The following VWDE variants were observed in gnomAD, a reference collection of about 807,000 sequenced individuals.
VWDE encodes von Willebrand factor D and EGF domain-containing protein.
A neutral mutation model predicts 178.4 loss-of-function variants in VWDE; 207 were observed. That is an observed-to-expected ratio of 1.16 (90% confidence interval 1.04 to 1.30). The LOEUF (loss-of-function observed/expected upper bound fraction) is 1.30. VWDE is among the 50% of genes most tolerant of loss of function. The pLI, the probability that VWDE is intolerant of heterozygous loss-of-function variation, is 0.00. For synonymous variants in VWDE, 738 were observed against 651.4 expected (o/e 1.13, Z -2.02); for missense variants, 2,287 against 1,901.3 (o/e 1.20, Z -3.77).
intron 10 of VWDE, 80 bp from the exon 11 acceptor site, chr7:12,370,944 A>G: frequency 1.8e-6 from 2 of 1,104,634 alleles, no homozygotes; most frequent in South Asian, 4.5e-5. Context: ...TATTATTTAA[A>G]AAATAAGAAA....
At chr7:12,368,218 G>A (rs73300503) in intron 12 of VWDE, among the ~76,000 whole-genome samples, 2,701 of 148,484 alleles carry the variant, frequency 0.018, 73 homozygotes, top group African/African-American at 0.063. Flanking sequence ...CATGTAATTT[G>A]CATTCTAGAT....
rs759233507 is a variant in VWDE, at chr7:12,340,475, G to A, written c.4271-58C>T. ...AAGTTTTATTATTTAAAAAATGAAAGCTGCACAGAAGTGCAAAATGGTGCA... is the reference window on the plus strand; with the variant it reads ...AAGTTTTATTATTTAAAAAATGAAAACTGCACAGAAGTGCAAAATGGTGCA... On this transcript the variant is annotated intron_variant, in intron 23 of 28. Coordinates refer to ENST00000275358, the MANE Select transcript of VWDE (RefSeq NM_001135924.3). 140 of 1,337,202 alleles carry A rather than the reference G, an allele frequency of 1.0e-4. No homozygotes were observed. In the Middle Eastern group the frequency reaches 1.0e-2, roughly 95 times the overall value. 82.8% of individuals were successfully genotyped at this position (1,337,202 alleles called of 1,614,324 possible).
intron 18 of VWDE, among the ~76,000 whole-genome samples, chr7:12,352,260 G>A (rs140948611): frequency 7.2e-5 from 11 of 152,214 alleles, no homozygotes; most frequent in African/African-American, 1.9e-4. Context: ...TTGCCCATTT[G>A]GGTTCTCCCA....
chr7:12,372,964 G>C lies in VWDE; in HGVS notation c.1587+13C>G. ...AAGGAAAAATACTTTCAATGTTAAA[G>C]AATCATACATACTGTGACTTTTCTT... On this transcript the variant is annotated intron_variant, in intron 10 of 28. Coordinates refer to ENST00000275358, the MANE Select transcript of VWDE (RefSeq NM_001135924.3). The C allele has an allele frequency of 6.5e-7, 1 of 1,546,204 alleles. No homozygotes were observed. Among genetic ancestry groups the C allele is most frequent in the African/African-American group, 1.4e-5 (1 of 72,812 alleles).
Position 12,359,634 on chromosome 7 carries a change from C to T in VWDE, c.3218G>A (p.Ser1073Asn), listed in dbSNP as rs1354145070. Residue 1073 changes from serine to asparagine, a missense_variant, in exon 16 of 29, where the codon AGC becomes AAC. By Grantham distance (46) the Ser-to-Asn change is conservative (BLOSUM62 1). Transcript: ENST00000275358. ...TTTGGGTCTACAAATCAAACAAGGGCTGGTTGGATTTTTGTCTCCTTCAAC... is the reference window on the plus strand; with the variant it reads ...TTTGGGTCTACAAATCAAACAAGGGTTGGTTGGATTTTTGTCTCCTTCAAC... ...CYVEGDKNPT[S>N]PCLICRPKIS... 6.5e-7 allele frequency: 1 copy of T among 1,550,134 alleles called. No individual in the cohort carries two copies. Among genetic ancestry groups the T allele is most frequent in the African/African-American group, 1.4e-5 (1 of 72,892 alleles).
chr7:12,359,079 G>T (rs1180629653), intron 16 of VWDE, among the ~76,000 whole-genome samples: 1 of 152,158 alleles, frequency 6.6e-6, no homozygotes, highest in Non-Finnish European at 1.5e-5. Context: ...CACCTATATG[G>T]AACCAACATA....
chr7:12,357,982 C>T (rs561586525), intron 16 of VWDE, among the ~76,000 whole-genome samples: 3 of 152,276 alleles, frequency 2.0e-5, no homozygotes, highest in South Asian at 4.1e-4. Flanking sequence ...ACGTTTCTCG[C>T]TGTACTTGCC....
At position 12,393,711 on chromosome 7, in the gene VWDE, T is replaced by C. The variant is rs749639778; in HGVS notation, c.126A>G (p.Ser42=). The C allele has an allele frequency of 2.6e-6, 4 of 1,551,234 alleles. No homozygotes were observed. Among genetic ancestry groups the C allele is most frequent in the Admixed American group, 2.0e-5 (1 of 50,982 alleles). Residue 42 remains serine, a synonymous_variant, in exon 2 of 29, where the codon TCA becomes TCG. Transcript: ENST00000275358. Reference sequence around the variant, plus strand: ...GAACAGCTGACTGCTGGAGGTGCCATGAGTCAAAACGGACACTTCTATAAG... The same window carrying C: ...GAACAGCTGACTGCTGGAGGTGCCACGAGTCAAAACGGACACTTCTATAAG... The part of the protein sequence containing the change: ...RSPYRSVRFD[S]WHLQQSAVQD...
intron 18 of VWDE, among the ~76,000 whole-genome samples, chr7:12,352,197 G>C (rs1479326376): frequency 6.6e-6 from 1 of 152,130 alleles, no homozygotes; most frequent in Admixed American, 6.5e-5. Context: ...ATCTGTTATA[G>C]CAGCCCAAGC....
At chr7:12,387,247 A>G (rs555491803) in intron 3 of VWDE, among the ~76,000 whole-genome samples, 3 of 152,228 alleles carry the variant, frequency 2.0e-5, no homozygotes, top group African/African-American at 4.8e-5. Flanking sequence ...CAATAATGAT[A>G]TATTACATCA....
chr7:12,394,069 C>T (rs1784515610), intron 1 of VWDE, among the ~76,000 whole-genome samples: 1 of 152,170 alleles, frequency 6.6e-6, no homozygotes, highest in Non-Finnish European at 1.5e-5. Flanking sequence ...ATAGAGCTGG[C>T]TGCTCTTGAG....
intron 19 of VWDE, among the ~76,000 whole-genome samples, chr7:12,346,630 A>G (rs1440034): frequency 1.3e-5 from 2 of 150,150 alleles, no homozygotes; most frequent in African/African-American, 2.5e-5. Flanking sequence ...GGCGGGGGGG[A>G]TCATTATTTA....
intron 7 of VWDE, among the ~76,000 whole-genome samples, chr7:12,376,593 C>T (rs1361096227): frequency 2.0e-5 from 3 of 152,028 alleles, no homozygotes; most frequent in African/African-American, 4.8e-5. Flanking sequence ...TTTTGGAAAA[C>T]ATCAATAACA....
At chr7:12,374,244 G>A (rs1389051763) in intron 9 of VWDE, among the ~76,000 whole-genome samples, 1 of 151,934 alleles carries the variant, frequency 6.6e-6, no homozygotes, top group Non-Finnish European at 1.5e-5. Flanking sequence ...ATCCATAATA[G>A]TTATAATAGT....
chr7:12,341,119 A>G (rs1781304640), intron 23 of VWDE, among the ~76,000 whole-genome samples: 1 of 151,614 alleles, frequency 6.6e-6, no homozygotes, highest in Non-Finnish European at 1.5e-5. Context: ...CTCAACTTGT[A>G]TCATAGTCTT....
At chr7:12,366,469 T>C (rs1360673694) in intron 13 of VWDE, among the ~76,000 whole-genome samples, 1 of 152,164 alleles carries the variant, frequency 6.6e-6, no homozygotes, top group Non-Finnish European at 1.5e-5. Flanking sequence ...ATGTCTATTC[T>C]CTTAAGTGAT....
chr7:12,330,971 C>T lies in VWDE; in HGVS notation c.*212G>A. The T allele has an allele frequency of 2.0e-6, 1 of 488,544 alleles. No individual in the cohort carries two copies. The highest frequency in any genetic ancestry group is 2.9e-5 in the South Asian group (1 of 34,886). The allele number at this position is 488,544 out of a possible 1,614,324, so 30.3% of individuals were successfully genotyped here. On this transcript the variant is annotated 3_prime_UTR_variant, in exon 29 of 29. Transcript: ENST00000275358. Reference sequence around the variant, plus strand: ...CATCTCAATATGTAAATATCCTATCCCATCTCAACATCAAATTTAGATTAC... The same window carrying T: ...CATCTCAATATGTAAATATCCTATCTCATCTCAACATCAAATTTAGATTAC...
intron 28 of VWDE, among the ~76,000 whole-genome samples, chr7:12,331,934 T>C (rs1255018237): frequency 6.6e-6 from 1 of 152,156 alleles, no homozygotes; most frequent in Non-Finnish European, 1.5e-5. Flanking sequence ...TCTTTTTCAT[T>C]GAAATTCTAG....
intron 10 of VWDE, among the ~76,000 whole-genome samples, 181 bp from the exon 11 acceptor site, chr7:12,371,045 T>C (rs61571835): frequency 0.014 from 2,057 of 152,246 alleles, 43 homozygotes; most frequent in African/African-American, 0.047. Context: ...ATATGGGTTT[T>C]TGCATTTTGC....
Sources: gnomAD v4.1 joint callset for allele counts (sites outside exome capture counted in the v4.1 genomes callset) on GRCh38, gnomAD v4.1.1 for gene constraint, MANE v1.5 for transcripts, NCBI Gene and HGNC (gene_info 2026-07-23, HGNC 2026-07-21) for gene names.